Variants in LHFPL3 observed in about 807,000 individuals in gnomAD.
The protein encoded by LHFPL3 is LHFPL tetraspan subfamily member 3.
A neutral mutation model predicts 19.3 loss-of-function variants in LHFPL3; 5 were observed. That is an observed-to-expected ratio of 0.26 (90% CI 0.14 to 0.54). The LOEUF (loss-of-function observed/expected upper bound fraction) is 0.54. Ranked by LOEUF, LHFPL3 falls within the 20% of genes least tolerant of loss-of-function variation. The pLI is 0.94. For synonymous variants in LHFPL3, 133 were observed against 126.2 expected, an observed-to-expected ratio of 1.05 and a Z score of -0.36; for missense variants, 249 against 307.4, an observed-to-expected ratio of 0.81 and a Z score of 1.42.
At chr7:104,349,705 C>T (rs925051987) in intron 1 of LHFPL3, among the ~76,000 whole-genome samples, 1 of 152,096 alleles carries the variant, frequency 6.6e-6, no homozygotes, top group Non-Finnish European at 1.5e-5. Context: ...CATGTATCCC[C>T]GAACTTAAAG....
intron 1 of LHFPL3, among the ~76,000 whole-genome samples, chr7:104,651,974 C>T (rs561629638): frequency 1.3e-5 from 2 of 152,206 alleles, no homozygotes; most frequent in Admixed American, 6.5e-5. Context: ...TGTTAGTAAC[C>T]TTATCTACGT....
chr7:104,330,923 C>T (rs1801556191), intron 1 of LHFPL3, among the ~76,000 whole-genome samples: 1 of 152,182 alleles, frequency 6.6e-6, no homozygotes, highest in African/African-American at 2.4e-5. Context: ...CCCTGCACAG[C>T]TAATTTTAAT....
chr7:104,843,599 A>C (rs899479081), intron 2 of LHFPL3, among the ~76,000 whole-genome samples: 29 of 152,234 alleles, frequency 1.9e-4, no homozygotes, highest in Admixed American at 1.8e-3. Context: ...AAATACTCAC[A>C]TCCTGAAAAG....
chr7:104,663,949 T>G (rs192514907), intron 1 of LHFPL3, among the ~76,000 whole-genome samples: 5 of 152,316 alleles, frequency 3.3e-5, no homozygotes, highest in African/African-American at 1.2e-4. Context: ...GTGGTTTCAG[T>G]GTAAGGTGAT....
chr7:104,829,325 CTTTT>C (rs199814222), intron 2 of LHFPL3, among the ~76,000 whole-genome samples: 2 of 148,314 alleles, frequency 1.3e-5, no homozygotes, highest in East Asian at 3.9e-4. Flanking sequence ...GTCATAGCTG[CTTTT>C]TTTTTTAATT....
At chr7:104,359,690 A>G (rs1457373252) in intron 1 of LHFPL3, among the ~76,000 whole-genome samples, 2 of 152,234 alleles carry the variant, frequency 1.3e-5, no homozygotes, top group African/African-American at 4.8e-5. Context: ...TGGCACCAAC[A>G]CCCAGATAAT....
chr7:104,424,961 G>A (rs1343412692), intron 1 of LHFPL3, among the ~76,000 whole-genome samples: 3 of 128,480 alleles, frequency 2.3e-5, no homozygotes, highest in African/African-American at 3.2e-5. Flanking sequence ...CAGCCTGGGC[G>A]ACAGAGTGAG....
At chr7:104,876,619 G>A (rs1212609726) in intron 2 of LHFPL3, among the ~76,000 whole-genome samples, 3 of 151,656 alleles carry the variant, frequency 2.0e-5, no homozygotes, top group Non-Finnish European at 2.9e-5. Context: ...TAAAAAGTCA[G>A]GAAACAACAG....
chr7:104,488,763 A>G (rs559402209), intron 1 of LHFPL3, among the ~76,000 whole-genome samples: 9 of 152,366 alleles, frequency 5.9e-5, no homozygotes, highest in South Asian at 4.1e-4. Flanking sequence ...AATCACAGCC[A>G]CAAGGACGCA....
rs77081338 is a variant in LHFPL3, at chr7:104,516,090, T to A, written c.445+186866T>A. On this transcript the variant is annotated intron_variant, in intron 1 of 2. Transcript: ENST00000424859. ...GGGTAATTTATAAAGGAAAAAGGTT[T>A]AGTTGACTCACAGTTCAGCATTTCC... Among the ~76,000 whole-genome samples the A allele has an allele frequency of 7.5e-3, 1,142 of 152,250 alleles. 28 individuals carry two copies. The highest frequency in any genetic ancestry group is 0.063 in the East Asian group (326 of 5,174).
intron 1 of LHFPL3, among the ~76,000 whole-genome samples, chr7:104,427,177 A>G (rs1791863935): frequency 6.6e-6 from 1 of 152,334 alleles, no homozygotes. Flanking sequence ...ACGAGGTGCC[A>G]GAAGGGAAGA....
intron 1 of LHFPL3, among the ~76,000 whole-genome samples, chr7:104,486,961 A>G (rs982847453): frequency 6.6e-6 from 1 of 152,066 alleles, no homozygotes; most frequent in Non-Finnish European, 1.5e-5. Flanking sequence ...CTTTAGCTCT[A>G]TTATTTTCTC....
chr7:104,801,734 C>T (rs1402885447), intron 2 of LHFPL3, among the ~76,000 whole-genome samples: 1 of 152,032 alleles, frequency 6.6e-6, no homozygotes, highest in Non-Finnish European at 1.5e-5. Context: ...CCACACCCAG[C>T]TAATTTTTTG....
chr7:104,350,134 C>T (rs1220213402), intron 1 of LHFPL3, among the ~76,000 whole-genome samples: 1 of 152,054 alleles, frequency 6.6e-6, no homozygotes, highest in African/African-American at 2.4e-5. Context: ...CTACAACTAT[C>T]CAGTATAGTA....
At chr7:104,566,287 G>T (rs553100472) in intron 1 of LHFPL3, among the ~76,000 whole-genome samples, 61 of 152,216 alleles carry the variant, frequency 4.0e-4, no homozygotes, top group African/African-American at 1.4e-3. Context: ...GGAGGGTGAG[G>T]CTGCAGTGAG....
intron 1 of LHFPL3, among the ~76,000 whole-genome samples, chr7:104,726,174 T>G (rs1793588104): frequency 6.6e-6 from 1 of 152,136 alleles, no homozygotes; most frequent in Admixed American, 6.6e-5. Flanking sequence ...GATTTGAGAC[T>G]GTGATATTGA....
intron 2 of LHFPL3, among the ~76,000 whole-genome samples, chr7:104,878,862 C>T (rs10260353): frequency 1.3e-3 from 202 of 152,300 alleles, no homozygotes; most frequent in African/African-American, 4.5e-3. Context: ...GTGAAACAGC[C>T]TTTAAGGGAT....
chr7:104,484,937 A>G (rs1398473362), intron 1 of LHFPL3, among the ~76,000 whole-genome samples: 1 of 152,066 alleles, frequency 6.6e-6, no homozygotes, highest in Non-Finnish European at 1.5e-5. Context: ...TCTCAATACT[A>G]TTACATTGGG....
At chr7:104,812,489 T>C (rs1461606513) in intron 2 of LHFPL3, among the ~76,000 whole-genome samples, 1 of 151,872 alleles carries the variant, frequency 6.6e-6, no homozygotes, top group East Asian at 1.9e-4. Flanking sequence ...GACCCCCATG[T>C]CTACAAAAAA....
Sources: allele counts gnomAD v4.1 joint callset (sites outside exome capture counted in the v4.1 genomes callset), GRCh38; gene constraint gnomAD v4.1.1; transcripts MANE v1.5; gene names NCBI Gene and HGNC (gene_info 2026-07-23, HGNC 2026-07-21).